Variants in DDHD1 observed in about 807,000 individuals in gnomAD.
DDHD1 encodes the protein DDHD domain containing 1.
DDHD1 carries 49 observed loss-of-function variants against 96.4 expected under a neutral mutation model. That is an observed-to-expected ratio of 0.51 (90% CI 0.40 to 0.64). The LOEUF (loss-of-function observed/expected upper bound fraction) is 0.64, where lower values mean the gene tolerates loss of function less well. Among genes scored for constraint, DDHD1 ranks in the 30% least tolerant of loss-of-function variants. The pLI, the probability that DDHD1 is intolerant of heterozygous loss-of-function variation, is 0.00. For synonymous variants in DDHD1, 442 were observed against 446.5 expected (o/e 0.99, Z 0.13); for missense variants, 1,106 against 1,161.2 (o/e 0.95, Z 0.69).
chr14:53,051,762 A>G (rs1013761347), intron 12 of DDHD1, 82 bp downstream of exon 12: 1 of 1,130,606 alleles, frequency 8.8e-7, no homozygotes, highest in Non-Finnish European at 1.3e-6. Context: ...AGAAGAACTG[A>G]TCCAATTTTT....
intron 1 of DDHD1, among the ~76,000 whole-genome samples, chr14:53,132,217 G>C (rs1312210405): frequency 1.3e-5 from 2 of 152,030 alleles, no homozygotes; most frequent in African/African-American, 4.8e-5. Context: ...AGGGCTGTGT[G>C]GTCAGGATTC....
intron 9 of DDHD1, among the ~76,000 whole-genome samples, chr14:53,056,473 T>C (rs901330004): frequency 6.6e-6 from 1 of 152,188 alleles, no homozygotes. Flanking sequence ...ATTTTATTTT[T>C]TAAGATGGAG....
chr14:53,111,480 C>G (rs535409415), intron 1 of DDHD1, among the ~76,000 whole-genome samples: 1 of 152,264 alleles, frequency 6.6e-6, no homozygotes, highest in East Asian at 1.9e-4. Flanking sequence ...GCACAGGCAT[C>G]AGGCTTTTTC....
chr14:53,137,520 A>G (rs1158446036), intron 1 of DDHD1, among the ~76,000 whole-genome samples: 1 of 152,192 alleles, frequency 6.6e-6, no homozygotes, highest in Non-Finnish European at 1.5e-5. Context: ...TGAACTTGGG[A>G]GGCAGAGGTT....
At chr14:53,152,113 GCT>G in intron 1 of DDHD1, 146 bp downstream of exon 1, 6 of 833,722 alleles carry the variant, frequency 7.2e-6, no homozygotes, top group Admixed American at 3.2e-5. Context: ...AGCTGCCGAC[GCT>G]CCCTGCTCAA....
chr14:53,049,397 A>T (rs1328162793), intron 12 of DDHD1, among the ~76,000 whole-genome samples: 1 of 152,164 alleles, frequency 6.6e-6, no homozygotes. Context: ...TATGTTGGTT[A>T]TGTAGGTGGA....
At chr14:53,067,921 C>T (rs146653600) in intron 6 of DDHD1, among the ~76,000 whole-genome samples, 1 of 152,210 alleles carries the variant, frequency 6.6e-6, no homozygotes, top group African/African-American at 2.4e-5. Context: ...TAAACCGTCA[C>T]CTTTTTTGGG....
chr14:53,100,666 G>T (rs1887231256), intron 2 of DDHD1, among the ~76,000 whole-genome samples: 1 of 152,064 alleles, frequency 6.6e-6, no homozygotes, highest in African/African-American at 2.4e-5. Flanking sequence ...TAACCAAACA[G>T]CCAAGGTCAG....
chr14:53,048,169 A>T (rs1882194996), intron 12 of DDHD1, among the ~76,000 whole-genome samples: 2 of 152,186 alleles, frequency 1.3e-5, no homozygotes, highest in South Asian at 4.1e-4. Flanking sequence ...AACAATGCTT[A>T]TACAGTTGTT....
intron 4 of DDHD1, among the ~76,000 whole-genome samples, chr14:53,076,135 T>C (rs1884941654): frequency 6.6e-6 from 1 of 152,130 alleles, no homozygotes; most frequent in African/African-American, 2.4e-5. Context: ...TATAATGCTA[T>C]AGCTGCTATA....
intron 7 of DDHD1, among the ~76,000 whole-genome samples, chr14:53,061,536 T>TA (rs1365401737): frequency 1.3e-5 from 2 of 152,164 alleles, no homozygotes; most frequent in African/African-American, 4.8e-5. Context: ...TTTCTATACT[T>TA]AAGAGTTTAG....
intron 4 of DDHD1, among the ~76,000 whole-genome samples, chr14:53,075,301 T>G (rs906097623): frequency 6.6e-6 from 1 of 152,058 alleles, no homozygotes; most frequent in South Asian, 2.1e-4. Flanking sequence ...ACTACTCCAG[T>G]GAACACACAA....
At chr14:53,117,446 C>T (rs916254007) in intron 1 of DDHD1, among the ~76,000 whole-genome samples, 9 of 152,234 alleles carry the variant, frequency 5.9e-5, no homozygotes. Flanking sequence ...TCACCAAATA[C>T]TGCACTATTC....
Position 53,046,642 on chromosome 14 carries a change from CA to C in DDHD1, c.*125del. On this transcript the variant is annotated 3_prime_UTR_variant, in exon 13 of 13. Coordinates refer to ENST00000673822, the MANE Select transcript of DDHD1 (RefSeq NM_001160148.2). The stretch of plus-strand genomic sequence containing the variant: ...TTTTTAAATAAAGTGCTTTTAAATT[CA>C]AATATATGTTGCCCTAAAGAAAACT... 1 of 545,904 alleles carries C rather than the reference CA, an allele frequency of 1.8e-6. No individual in the cohort carries two copies. Among genetic ancestry groups the C allele is most frequent in the Non-Finnish European group, 3.0e-6 (1 of 334,210 alleles). 33.8% of individuals were successfully genotyped at this position (545,904 alleles called of 1,614,324 possible).
chr14:53,076,062 T>A lies in DDHD1; in HGVS notation c.1290-2215A>T, dbSNP rs141480736. Among the ~76,000 whole-genome samples the A allele has an allele frequency of 2.1e-4, 32 of 152,300 alleles. No individual in the cohort carries two copies. In the East Asian group the frequency reaches 5.8e-3, roughly 28 times the overall value. Reference sequence around the variant, plus strand: ...TCATGCCTGCTAACACAATATCCACTCTGCAGCCCACGGATCAAGGAGTAA... The same window carrying A: ...TCATGCCTGCTAACACAATATCCACACTGCAGCCCACGGATCAAGGAGTAA... On this transcript the variant is annotated intron_variant, in intron 4 of 12. Coordinates refer to ENST00000673822, the MANE Select transcript of DDHD1 (RefSeq NM_001160148.2).
chr14:53,135,462 A>G (rs1890165582), intron 1 of DDHD1, among the ~76,000 whole-genome samples: 1 of 152,204 alleles, frequency 6.6e-6, no homozygotes, highest in African/African-American at 2.4e-5. Flanking sequence ...CCATTTTCAG[A>G]CTCAGCCCAA....
intron 1 of DDHD1, among the ~76,000 whole-genome samples, chr14:53,116,512 T>G (rs142778832): frequency 6.6e-6 from 1 of 152,148 alleles, no homozygotes; most frequent in Admixed American, 6.6e-5. Flanking sequence ...ATGGAAATCA[T>G]AACAAACAGT....
In DDHD1 at chr14:53,153,287, C is replaced by T. The variant is rs1337578987; in HGVS notation, c.-189G>A. The T allele has an allele frequency of 1.6e-5, 7 of 440,120 alleles. No individual in the cohort carries two copies. The highest frequency in any genetic ancestry group is 1.0e-4 in the African/African-American group (5 of 48,638). 27.3% of individuals were successfully genotyped at this position (440,120 alleles called of 1,614,324 possible). A position where few individuals can be genotyped will look rare whatever the true frequency, so the allele number is the denominator to read the frequency against. The stretch of plus-strand genomic sequence containing the variant: ...CGCAGCCGCCGCAGCTGCGTTCTGC[C>T]GCCGGCCCCATTGTCACGCAGCCCG... On this transcript the variant is annotated 5_prime_UTR_variant, in exon 1 of 13. Coordinates refer to ENST00000673822, the MANE Select transcript of DDHD1 (RefSeq NM_001160148.2).
chr14:53,119,940 G>C (rs1888852390), intron 1 of DDHD1, among the ~76,000 whole-genome samples: 2 of 152,200 alleles, frequency 1.3e-5, no homozygotes, highest in South Asian at 2.1e-4. Context: ...CAGAGTACTG[G>C]AAGTTCTGCC....
Sources: gnomAD v4.1 joint callset for allele counts (sites outside exome capture counted in the v4.1 genomes callset) on GRCh38, gnomAD v4.1.1 for gene constraint, MANE v1.5 for transcripts, NCBI Gene and HGNC (gene_info 2026-07-23, HGNC 2026-07-21) for gene names.